Variants in TAS2R1 observed in about 807,000 individuals in gnomAD.
TAS2R1 encodes the protein taste 2 receptor member 1.
For missense variants in TAS2R1, 370 were observed against 353.4 expected (o/e 1.05, Z -0.38); for synonymous variants, 141 against 134.2 (o/e 1.05, Z -0.35).
the TAS2R1 span, among the ~76,000 whole-genome samples, chr5:9,725,364 T>C: frequency 6.6e-6 from 1 of 151,886 alleles, no homozygotes; most frequent in Non-Finnish European, 1.5e-5. Context: ...CCAGTGGGAG[T>C]TCTGGGTAGG....
chr5:9,817,167 T>G, the TAS2R1 span, among the ~76,000 whole-genome samples: 1 of 152,184 alleles, frequency 6.6e-6, no homozygotes, highest in African/African-American at 2.4e-5. Flanking sequence ...CAAAGGAACA[T>G]GTCCGATTTA....
chr5:9,683,691 C>G (rs967462745), intron 1 of TAS2R1, among the ~76,000 whole-genome samples: 1 of 152,224 alleles, frequency 6.6e-6, no homozygotes, highest in African/African-American at 2.4e-5. Context: ...CGAGTCAGAG[C>G]TCAGGGCAGC....
intron 1 of TAS2R1, among the ~76,000 whole-genome samples, chr5:9,675,279 C>T (rs994081378): frequency 6.6e-6 from 1 of 151,418 alleles, no homozygotes; most frequent in Middle Eastern, 3.2e-3. Context: ...ATCCTAATCC[C>T]AATCAAAATC....
the TAS2R1 span, among the ~76,000 whole-genome samples, chr5:9,723,718 G>C: frequency 2.6e-5 from 4 of 152,206 alleles, no homozygotes; most frequent in Non-Finnish European, 5.9e-5. Context: ...TCAGCTTTCT[G>C]GTGCACCTGG....
chr5:9,671,182 A>G (rs933929834), intron 1 of TAS2R1, among the ~76,000 whole-genome samples: 2 of 152,226 alleles, frequency 1.3e-5, no homozygotes, highest in African/African-American at 4.8e-5. Flanking sequence ...CACAGCCAAC[A>G]TTGTACTGAA....
At chr5:9,786,634 T>C in the TAS2R1 span, among the ~76,000 whole-genome samples, 1 of 152,184 alleles carries the variant, frequency 6.6e-6, no homozygotes. Context: ...TAGCTGAGCA[T>C]CGAGATTCCA....
chr5:9,844,804 A>G, the TAS2R1 span, among the ~76,000 whole-genome samples: 3 of 152,164 alleles, frequency 2.0e-5, no homozygotes, highest in African/African-American at 7.2e-5. Context: ...AAATCATCTG[A>G]TTCTATAAAC....
chr5:9,707,588 C>A lies in TAS2R1; in HGVS notation c.-242+4584G>T, dbSNP rs567818314. On this transcript the variant is annotated intron_variant, in intron 1 of 2. Coordinates refer to the TAS2R1 transcript ENST00000506620. ...GTCCCAGCTACTCGGTAGGGTGAAG[C>A]AAGAGAATCGCTTGAACCCGGGAAG... is the stretch of plus-strand genomic sequence containing the variant. 6.0e-4 allele frequency among the ~76,000 whole-genome samples: 92 copies of A among 152,276 alleles called. 1 individual carries two copies. Among genetic ancestry groups the A allele is most frequent in the African/African-American group, 2.1e-3 (87 of 41,548 alleles).
the TAS2R1 span, among the ~76,000 whole-genome samples, chr5:9,775,955 A>T: frequency 2.0e-5 from 3 of 152,218 alleles, no homozygotes; most frequent in East Asian, 5.8e-4. Flanking sequence ...TGGCTGCCCC[A>T]GCTGGTGTCT....
At chr5:9,842,316 C>CTTTTTTT in the TAS2R1 span, among the ~76,000 whole-genome samples, 378 of 116,184 alleles carry the variant, frequency 3.3e-3, 6 homozygotes, top group African/African-American at 0.011. Context: ...TTCTTTCTCT[C>CTTTTTTT]TTTTTTTTTT....
At chr5:9,794,823 T>A in the TAS2R1 span, among the ~76,000 whole-genome samples, 8 of 152,224 alleles carry the variant, frequency 5.3e-5, no homozygotes, top group Non-Finnish European at 1.2e-4. Flanking sequence ...CAGCTAAGTT[T>A]AGAGTCCTGC....
In TAS2R1 at chr5:9,628,128, TTATCTATCTATCTATCTATC is replaced by T. The variant is rs35524938; in HGVS notation, c.*985_*1004del. 2.7e-5 allele frequency among the ~76,000 whole-genome samples: 4 copies of T among 146,484 alleles called. No individual in the cohort carries two copies. The highest frequency in any genetic ancestry group is 2.0e-4 in the East Asian group (1 of 4,934). On this transcript the variant is annotated 3_prime_UTR_variant, in exon 1 of 1. Transcript: ENST00000382492. The stretch of plus-strand genomic sequence containing the variant: ...ATACAAGTATATCTATCTCCATAAT[TTATCTATCTATCTATCTATC>T]TATCTATCTATCTATCTATCTATCT...
intron 1 of TAS2R1, among the ~76,000 whole-genome samples, chr5:9,688,077 CTT>C (rs1325965514): frequency 2.6e-5 from 4 of 152,216 alleles, no homozygotes; most frequent in African/African-American, 9.6e-5. Flanking sequence ...AAAAAGATAA[CTT>C]GAGTTATTAA....
intron 1 of TAS2R1, among the ~76,000 whole-genome samples, chr5:9,708,659 T>C (rs1303525468): frequency 6.6e-6 from 1 of 152,120 alleles, no homozygotes; most frequent in African/African-American, 2.4e-5. Flanking sequence ...CTTCCTTTCA[T>C]AGTTTTTATC....
chr5:9,693,857 A>G (rs1247118973), intron 1 of TAS2R1, among the ~76,000 whole-genome samples: 2 of 152,198 alleles, frequency 1.3e-5, no homozygotes, highest in African/African-American at 2.4e-5. Context: ...TGGTTGTTAC[A>G]TAGCAGTTTA....
At chr5:9,696,921 G>T (rs1418120535) in intron 1 of TAS2R1, among the ~76,000 whole-genome samples, 2 of 152,176 alleles carry the variant, frequency 1.3e-5, no homozygotes, top group South Asian at 4.1e-4. Context: ...GCTGAGGCAG[G>T]AGAATTGCTT....
intron 2 of TAS2R1, among the ~76,000 whole-genome samples, chr5:9,656,154 G>A (rs1402039934): frequency 6.6e-6 from 1 of 152,080 alleles, no homozygotes; most frequent in African/African-American, 2.4e-5. Flanking sequence ...CACAGTACCT[G>A]GCACATATAG....
the TAS2R1 span, among the ~76,000 whole-genome samples, chr5:9,830,751 C>T: frequency 3.3e-5 from 5 of 152,212 alleles, no homozygotes; most frequent in Non-Finnish European, 5.9e-5. Flanking sequence ...CTATCCCCAA[C>T]CAATAACGTA....
At chr5:9,864,268 A>C in the TAS2R1 span, among the ~76,000 whole-genome samples, 1 of 152,188 alleles carries the variant, frequency 6.6e-6, no homozygotes, top group East Asian at 1.9e-4. Flanking sequence ...GAACATGTTC[A>C]TGCCAACTTT....
Sources: gnomAD v4.1 joint callset for allele counts (sites outside exome capture counted in the v4.1 genomes callset) on GRCh38, gnomAD v4.1.1 for gene constraint, MANE v1.5 for transcripts, NCBI Gene and HGNC (gene_info 2026-07-23, HGNC 2026-07-21) for gene names.